ATF6: variants seen among roughly 807,000 people sequenced by gnomAD.
The protein encoded by ATF6 is cyclic AMP-dependent transcription factor ATF-6 alpha.
A neutral mutation model predicts 83.6 loss-of-function variants in ATF6; 53 were observed. The observed-to-expected ratio is 0.63, with a 90% CI of 0.51 to 0.80. The LOEUF (loss-of-function observed/expected upper bound fraction) is 0.80, where lower values mean the gene tolerates loss of function less well. Among genes scored for constraint, ATF6 ranks in the 30% least tolerant of loss-of-function variants. The probability of loss-of-function intolerance (pLI) is 0.00; values close to 1 mark genes in which losing one functional copy is unlikely to be tolerated. For missense variants in ATF6, 744 were observed against 797.9 expected (o/e 0.93, Z 0.81); for synonymous variants, 288 against 285.8 (o/e 1.01, Z -0.08).
Position 161,860,211 on chromosome 1 carries a change from C to A in ATF6, c.1538C>A (p.Ala513Asp). The change falls in exon 13 of 16, where the codon GCT (alanine) becomes GAT (aspartate). Residue 513 changes from alanine to aspartate, a missense_variant. Coordinates refer to ENST00000367942, the MANE Select transcript of ATF6 (RefSeq NM_007348.4). ...TTTTTTTTTTTAATATTCCAGGGTG[C>A]TCTGGAACAGGGCTCAAATTCTCAG... ...NQQKTRILQG[A>D]LEQGSNSQLM... is the part of the protein sequence containing the mutation. 1 of 1,581,642 alleles carries A rather than the reference C, an allele frequency of 6.3e-7. No individual in the cohort carries two copies. Among genetic ancestry groups the A allele is most frequent in the Non-Finnish European group, 8.6e-7 (1 of 1,163,186 alleles).
chr1:161,943,751 T>A (rs1458152901), intron 15 of ATF6, among the ~76,000 whole-genome samples: 1 of 152,186 alleles, frequency 6.6e-6, no homozygotes, highest in Non-Finnish European at 1.5e-5. Flanking sequence ...CAAAAAGCCA[T>A]CTTGCTGGTC....
intron 7 of ATF6, among the ~76,000 whole-genome samples, chr1:161,813,138 T>C (rs1685517083): frequency 6.6e-6 from 1 of 152,198 alleles, no homozygotes; most frequent in African/African-American, 2.4e-5. Context: ...CGAAACTTGC[T>C]GATACCTTTT....
intron 15 of ATF6, among the ~76,000 whole-genome samples, chr1:161,940,841 C>T (rs1020105841): frequency 2.0e-5 from 3 of 152,136 alleles, no homozygotes; most frequent in Admixed American, 1.3e-4. Context: ...GGATTACAGG[C>T]GTGAGCCACC....
At chr1:161,807,886 T>TC in intron 7 of ATF6, among the ~76,000 whole-genome samples, 1 of 122,786 alleles carries the variant, frequency 8.1e-6, no homozygotes, top group East Asian at 2.2e-4. Context: ...TTTTTTTTTT[T>TC]TTTTTTTTTT....
chr1:161,775,283 AT>A (rs1222107459), intron 1 of ATF6, among the ~76,000 whole-genome samples: 2 of 152,100 alleles, frequency 1.3e-5, no homozygotes, highest in African/African-American at 4.8e-5. Flanking sequence ...CCCATTTTGT[AT>A]TTTATTGCTA....
At chr1:161,822,405 G>A (rs1439492061) in intron 9 of ATF6, among the ~76,000 whole-genome samples, 1 of 152,178 alleles carries the variant, frequency 6.6e-6, no homozygotes, top group East Asian at 1.9e-4. Flanking sequence ...GAGAGCTTGG[G>A]AGATGTAGAA....
chr1:161,801,258 G>A (rs1336039183), intron 6 of ATF6, among the ~76,000 whole-genome samples: 2 of 151,744 alleles, frequency 1.3e-5, no homozygotes, highest in Admixed American at 6.6e-5. Context: ...GGAAAGGGCT[G>A]GTATCATCTA....
At chr1:161,781,497 C>T (rs886826728) in intron 2 of ATF6, among the ~76,000 whole-genome samples, 1 of 152,122 alleles carries the variant, frequency 6.6e-6, no homozygotes, top group African/African-American at 2.4e-5. Context: ...TTGGATATAT[C>T]TATATTCTTT....
chr1:161,851,912 T>G, intron 11 of ATF6, 77 bp downstream of exon 11: 2 of 987,112 alleles, frequency 2.0e-6, no homozygotes, highest in Non-Finnish European at 3.2e-6. Flanking sequence ...AAGTAATTGG[T>G]CAAGTTCACT....
At chr1:161,955,515 C>T (rs971221359) in intron 15 of ATF6, among the ~76,000 whole-genome samples, 12 of 152,310 alleles carry the variant, frequency 7.9e-5, no homozygotes, top group East Asian at 5.8e-4. Flanking sequence ...TGAGTTACCA[C>T]GAGCTGTTTC....
At chr1:161,878,489 G>C (rs1332616912) in intron 14 of ATF6, among the ~76,000 whole-genome samples, 1 of 152,062 alleles carries the variant, frequency 6.6e-6, no homozygotes, top group African/African-American at 2.4e-5. Flanking sequence ...AGAGAGAGGA[G>C]GGTTCAGGAC....
intron 6 of ATF6, among the ~76,000 whole-genome samples, chr1:161,797,471 T>G (rs1685048294): frequency 6.6e-6 from 1 of 152,114 alleles, no homozygotes; most frequent in Non-Finnish European, 1.5e-5. Flanking sequence ...TTCAGCAAAG[T>G]TTTAGGATAC....
chr1:161,952,585 A>G (rs529894754), intron 15 of ATF6, among the ~76,000 whole-genome samples: 5 of 151,772 alleles, frequency 3.3e-5, no homozygotes, highest in Non-Finnish European at 7.4e-5. Flanking sequence ...CGTTTTGTTT[A>G]CTACTGTGTC....
rs35619050 is a variant in ATF6, at chr1:161,829,189, C to CTTTTTTTTTTTTTTTT, written c.1187+8038_1187+8053dup. Among the ~76,000 whole-genome samples the CTTTTTTTTTTTTTTTT allele has an allele frequency of 3.3e-4, 24 of 72,592 alleles. 1 individual carries two copies. The highest frequency in any genetic ancestry group is 1.1e-3 in the East Asian group (2 of 1,754). 47.6% of individuals were successfully genotyped at this position (72,592 alleles called of 152,430 possible). A position where few individuals can be genotyped will look rare whatever the true frequency, so the allele number is the denominator to read the frequency against. ...ACTCCCACACAATCATAATGGGAGA[C>CTTTTTTTTTTTTTTTT]TTTTTTTTTTTTTTTTTTTTTTTTT... On this transcript the variant is annotated intron_variant, in intron 9 of 15. Transcript: ENST00000367942.
At chr1:161,909,520 G>GA (rs887999734) in intron 14 of ATF6, among the ~76,000 whole-genome samples, 75 of 139,748 alleles carry the variant, frequency 5.4e-4, no homozygotes, top group Middle Eastern at 3.6e-3. Context: ...TATTGGGTAA[G>GA]AAAAAAAAAA....
At chr1:161,839,379 T>C (rs1203515619) in intron 9 of ATF6, among the ~76,000 whole-genome samples, 2 of 152,260 alleles carry the variant, frequency 1.3e-5, no homozygotes, top group Non-Finnish European at 2.9e-5. Context: ...TTAATTTTTT[T>C]TGAGGCAAGG....
intron 14 of ATF6, among the ~76,000 whole-genome samples, chr1:161,900,957 CATT>C (rs1687775193): frequency 6.6e-6 from 1 of 151,978 alleles, no homozygotes; most frequent in Non-Finnish European, 1.5e-5. Context: ...TTAGTAACAT[CATT>C]ATGGTGTTAT....
chr1:161,925,040 A>G (rs891604683), intron 15 of ATF6, among the ~76,000 whole-genome samples: 1 of 152,218 alleles, frequency 6.6e-6, no homozygotes, highest in Admixed American at 6.5e-5. Flanking sequence ...AATCCACAGG[A>G]TTATATATAA....
intron 15 of ATF6, among the ~76,000 whole-genome samples, chr1:161,956,117 G>A (rs778225763): frequency 4.6e-5 from 7 of 152,148 alleles, no homozygotes; most frequent in Non-Finnish European, 8.8e-5. Flanking sequence ...AGGCACGTGG[G>A]CTCTAATGAC....
Sources: gnomAD v4.1 joint callset for allele counts (sites outside exome capture counted in the v4.1 genomes callset) on GRCh38, gnomAD v4.1.1 for gene constraint, MANE v1.5 for transcripts, NCBI Gene and HGNC (gene_info 2026-07-23, HGNC 2026-07-21) for gene names.